PCSK2: variants seen among roughly 807,000 people sequenced by gnomAD.
PCSK2 encodes proprotein convertase subtilisin/kexin type 2.
In PCSK2, 14 loss-of-function variants were observed where a neutral mutation model predicts 69.7. The ratio of observed to expected loss-of-function variants is 0.20; its 90% CI spans 0.13 to 0.31. The LOEUF is 0.31. Among genes scored for constraint, PCSK2 ranks in the 10% least tolerant of loss-of-function variants. The pLI, the probability that PCSK2 is intolerant of heterozygous loss-of-function variation, is 1.00. For synonymous variants in PCSK2, 307 were observed against 320.7 expected (o/e 0.96, Z 0.46); for missense variants, 544 against 842.5 (o/e 0.65, Z 4.39).
intron 2 of PCSK2, among the ~76,000 whole-genome samples, chr20:17,264,471 T>G (rs1987515035): frequency 6.6e-6 from 1 of 152,198 alleles, no homozygotes; most frequent in African/African-American, 2.4e-5. Context: ...AGCTATATCT[T>G]TCTAGCTTCT....
At chr20:17,398,085 T>C (rs868641465) in intron 5 of PCSK2, among the ~76,000 whole-genome samples, 1 of 152,236 alleles carries the variant, frequency 6.6e-6, no homozygotes, top group Middle Eastern at 3.4e-3. Flanking sequence ...ATGTCGATGG[T>C]TTATCAAAAT....
At chr20:17,449,596 TCTC>T (rs1163006804) in intron 8 of PCSK2, among the ~76,000 whole-genome samples, 10 of 119,358 alleles carry the variant, frequency 8.4e-5, no homozygotes, top group Admixed American at 1.7e-4. Flanking sequence ...AATAGCGCGA[TCTC>T]AGCTCACCGC....
At chr20:17,240,070 T>A (rs6136035) in intron 1 of PCSK2, among the ~76,000 whole-genome samples, 9,101 of 151,858 alleles carry the variant, frequency 0.06, 334 homozygotes, top group East Asian at 0.14. Context: ...GCCAGGATGG[T>A]CTCGATCTCC....
At chr20:17,343,179 C>T (rs1213468334) in intron 2 of PCSK2, among the ~76,000 whole-genome samples, 3 of 152,290 alleles carry the variant, frequency 2.0e-5, no homozygotes, top group Admixed American at 1.3e-4. Flanking sequence ...ATACATGTTG[C>T]ATCTGTAGCT....
At chr20:17,242,250 G>A (rs1986605614) in intron 1 of PCSK2, among the ~76,000 whole-genome samples, 1 of 152,236 alleles carries the variant, frequency 6.6e-6, no homozygotes, top group Non-Finnish European at 1.5e-5. Context: ...GGCAGGGCTG[G>A]CTTACAGCCA....
At chr20:17,308,328 A>G (rs1048206467) in intron 2 of PCSK2, among the ~76,000 whole-genome samples, 12 of 152,210 alleles carry the variant, frequency 7.9e-5, no homozygotes, top group Admixed American at 7.9e-4. Flanking sequence ...ATCATATTAC[A>G]TGATAATGTG....
chr20:17,431,756 T>A (rs1350594768), intron 7 of PCSK2, among the ~76,000 whole-genome samples: 1 of 152,220 alleles, frequency 6.6e-6, no homozygotes, highest in African/African-American at 2.4e-5. Context: ...ACTGGGGAAT[T>A]ACTCATGGAT....
Position 17,303,832 on chromosome 20 carries a change from G to A in PCSK2, c.282+43488G>A, listed in dbSNP as rs1484428267. Among the ~76,000 whole-genome samples, 8 of 139,150 alleles carry A rather than the reference G, an allele frequency of 5.7e-5. No homozygotes were observed. The East Asian group carries it at 1.4e-3, about 25-fold the overall frequency. 91.3% of individuals were successfully genotyped at this position (139,150 alleles called of 152,430 possible). On this transcript the variant is annotated intron_variant, in intron 2 of 11. Coordinates refer to ENST00000262545, the MANE Select transcript of PCSK2 (RefSeq NM_002594.5). ...CCTCAGGTGATCCACCCCCCACCCC[G>A]CCCTCCCAAAGTGCTGGGATTACAG...
chr20:17,244,425 A>G (rs563647253), intron 1 of PCSK2, among the ~76,000 whole-genome samples: 1 of 152,318 alleles, frequency 6.6e-6, no homozygotes, highest in Non-Finnish European at 1.5e-5. Context: ...CCACATCCAC[A>G]TAATTCAACT....
chr20:17,361,637 C>T (rs890612), intron 4 of PCSK2, among the ~76,000 whole-genome samples: 132,400 of 152,234 alleles, frequency 0.87, 57,949 homozygotes, highest in South Asian at 0.93. Flanking sequence ...TAAAGTGAGG[C>T]TTTGAAGCAG....
intron 1 of PCSK2, among the ~76,000 whole-genome samples, chr20:17,237,599 G>A (rs1986391833): frequency 6.6e-6 from 1 of 152,130 alleles, no homozygotes; most frequent in Non-Finnish European, 1.5e-5. Flanking sequence ...TAGAGACAAA[G>A]TCATTGTTGA....
At chr20:17,303,473 A>AT (rs1568593468) in intron 2 of PCSK2, among the ~76,000 whole-genome samples, 5 of 48,410 alleles carry the variant, frequency 1.0e-4, no homozygotes, top group African/African-American at 3.9e-4. Flanking sequence ...AATATATATT[A>AT]TATATAATAT....
chr20:17,394,593 G>C (rs769795040), intron 5 of PCSK2, among the ~76,000 whole-genome samples: 6 of 152,188 alleles, frequency 3.9e-5, no homozygotes, highest in Non-Finnish European at 7.3e-5. Context: ...ACGAATGTTG[G>C]TGGTAGCAGG....
At chr20:17,242,512 T>G (rs1986619946) in intron 1 of PCSK2, among the ~76,000 whole-genome samples, 1 of 152,256 alleles carries the variant, frequency 6.6e-6, no homozygotes, top group Non-Finnish European at 1.5e-5. Flanking sequence ...TAGTCTAGTT[T>G]ATAAGAATTC....
At chr20:17,254,156 G>A (rs1361591339) in intron 1 of PCSK2, among the ~76,000 whole-genome samples, 1 of 151,964 alleles carries the variant, frequency 6.6e-6, no homozygotes, top group Non-Finnish European at 1.5e-5. Context: ...CCAATCTGTG[G>A]GTTGTCTTTT....
chr20:17,436,660 C>A (rs368648599), intron 7 of PCSK2, 48 bp from the exon 8 acceptor site: 1 of 1,540,924 alleles, frequency 6.5e-7, no homozygotes, highest in African/African-American at 1.4e-5. Context: ...TTGTCTCCTG[C>A]GAACTGGGGA....
At chr20:17,477,391 G>A (rs2033310622) in intron 11 of PCSK2, among the ~76,000 whole-genome samples, 1 of 151,530 alleles carries the variant, frequency 6.6e-6, no homozygotes, top group Non-Finnish European at 1.5e-5. Context: ...ATTTTAACTA[G>A]AAACAGAACA....
At chr20:17,299,315 T>C (rs1242552713) in intron 2 of PCSK2, among the ~76,000 whole-genome samples, 3 of 152,182 alleles carry the variant, frequency 2.0e-5, no homozygotes, top group Non-Finnish European at 4.4e-5. Context: ...ATGCTACTTT[T>C]ATGGTGTACC....
chr20:17,418,998 G>A (rs139864800), intron 6 of PCSK2, among the ~76,000 whole-genome samples: 11 of 152,338 alleles, frequency 7.2e-5, no homozygotes, highest in African/African-American at 2.4e-4. Context: ...TCTCACTGCT[G>A]TGAAAATAGA....
Sources: gnomAD v4.1 joint callset for allele counts (sites outside exome capture counted in the v4.1 genomes callset) on GRCh38, gnomAD v4.1.1 for gene constraint, MANE v1.5 for transcripts, NCBI Gene and HGNC (gene_info 2026-07-23, HGNC 2026-07-21) for gene names.